The following PARPBP variants were observed in gnomAD, a reference collection of about 807,000 sequenced individuals.
The protein encoded by PARPBP is PCNA-interacting partner.
Under a neutral mutation model 50.0 loss-of-function variants are expected in PARPBP, and 52 were observed. The ratio of observed to expected loss-of-function variants is 1.04; its 90% CI spans 0.83 to 1.31. PARPBP has a LOEUF of 1.31. PARPBP is among the 50% of genes most tolerant of loss of function. PARPBP has a pLI of 0.00. For synonymous variants in PARPBP, 244 were observed against 232.1 expected, an observed-to-expected ratio of 1.05 and a Z score of -0.47; for missense variants, 697 against 672.0, an observed-to-expected ratio of 1.04 and a Z score of -0.41.
chr12:102,133,049 C>T (rs922461018), intron 2 of PARPBP, among the ~76,000 whole-genome samples: 2 of 151,892 alleles, frequency 1.3e-5, no homozygotes, highest in Admixed American at 6.6e-5. Flanking sequence ...TTTTTGGTGG[C>T]GTCTTTATGG....
chr12:102,147,127 A>G (rs886856908), intron 2 of PARPBP, among the ~76,000 whole-genome samples: 1 of 152,216 alleles, frequency 6.6e-6, no homozygotes, highest in Non-Finnish European at 1.5e-5. Flanking sequence ...GTGGGACTGT[A>G]AACTAGTTCA....
chr12:102,173,761 C>A (rs1174001960), intron 6 of PARPBP, among the ~76,000 whole-genome samples: 1 of 151,594 alleles, frequency 6.6e-6, no homozygotes, highest in Non-Finnish European at 1.5e-5. Flanking sequence ...CACAGTGTTA[C>A]TAGAGATGTT....
intron 3 of PARPBP, among the ~76,000 whole-genome samples, chr12:102,153,476 G>T (rs1004308352): frequency 6.6e-6 from 1 of 152,176 alleles, no homozygotes; most frequent in Non-Finnish European, 1.5e-5. Flanking sequence ...GAGCAGCTGG[G>T]ACTACAGGCA....
intron 4 of PARPBP, 127 bp downstream of exon 4, chr12:102,154,103 C>G (rs1473055176): frequency 1.7e-6 from 1 of 581,308 alleles, no homozygotes; most frequent in Non-Finnish European, 3.1e-6. Flanking sequence ...ATGTTTAAAA[C>G]TGTATTCGCA....
chr12:102,170,815 A>G (rs1308187276), intron 6 of PARPBP, among the ~76,000 whole-genome samples: 2 of 151,674 alleles, frequency 1.3e-5, no homozygotes, highest in Non-Finnish European at 2.9e-5. Context: ...TTGTAGTAAC[A>G]CTTAGCTTAA....
rs138403731 is a variant in PARPBP at position 102,137,547 on chromosome 12, C to T, written c.154-10683C>T. 1.7e-3 allele frequency among the ~76,000 whole-genome samples: 253 copies of T among 151,416 alleles called. 4 individuals carry two copies. The East Asian group carries it at 0.043, about 26-fold the overall frequency. On this transcript the variant is annotated intron_variant, in intron 2 of 10. Transcript: ENST00000327680. ...TTTTTTTAATTCTAGGGTATATGTG[C>T]ACAACGTGCAGGTTTGTTACATATG...
At chr12:102,123,153 G>C (rs934090636) in intron 1 of PARPBP, among the ~76,000 whole-genome samples, 2 of 152,140 alleles carry the variant, frequency 1.3e-5, no homozygotes, top group Admixed American at 6.5e-5. Context: ...TAAATGCAAA[G>C]GCATCCACTG....
chr12:102,124,969 A>C (rs990053174), intron 2 of PARPBP, among the ~76,000 whole-genome samples: 3 of 152,362 alleles, frequency 2.0e-5, no homozygotes, highest in Admixed American at 6.5e-5. Flanking sequence ...AAAAGGAAGA[A>C]TATTTTAACA....
chr12:102,161,542 T>C (rs1887592645), intron 4 of PARPBP, among the ~76,000 whole-genome samples: 1 of 152,228 alleles, frequency 6.6e-6, no homozygotes, highest in African/African-American at 2.4e-5. Flanking sequence ...GATTACCTAC[T>C]ATAATGCGAG....
chr12:102,154,300 T>A (rs1886597702), intron 4 of PARPBP, among the ~76,000 whole-genome samples: 1 of 152,198 alleles, frequency 6.6e-6, no homozygotes, highest in Non-Finnish European at 1.5e-5. Context: ...AGATGGTTCA[T>A]CCTTGGGAGA....
At chr12:102,150,042 T>A (rs1885978095) in intron 3 of PARPBP, among the ~76,000 whole-genome samples, 1 of 152,198 alleles carries the variant, frequency 6.6e-6, no homozygotes, top group Admixed American at 6.5e-5. Flanking sequence ...CTTGTCTAAG[T>A]CCTCTAATAA....
At chr12:102,187,145 A>G (rs1290799580) in intron 9 of PARPBP, among the ~76,000 whole-genome samples, 1 of 152,196 alleles carries the variant, frequency 6.6e-6, no homozygotes, top group East Asian at 1.9e-4. Flanking sequence ...ATCAGCATCA[A>G]CTAAGAAAGA....
intron 9 of PARPBP, among the ~76,000 whole-genome samples, chr12:102,183,929 G>A (rs1469313639): frequency 6.6e-6 from 1 of 151,108 alleles, no homozygotes; most frequent in East Asian, 2.0e-4. Context: ...ACAGAAATTA[G>A]CCGGGCACCT....
rs535314219 is a variant in PARPBP, at chr12:102,131,009, C to T, written c.153+6968C>T. Among the ~76,000 whole-genome samples, 17 of 152,278 alleles carry T rather than the reference C, an allele frequency of 1.1e-4. No individual in the cohort carries two copies. The South Asian group carries it at 3.3e-3, about 30-fold the overall frequency. On this transcript the variant is annotated intron_variant, in intron 2 of 10. Coordinates refer to ENST00000327680, the MANE Select transcript of PARPBP (RefSeq NM_017915.5). ...AGTCAAAACCACAATAAGATATCAT[C>T]TCACACCAGCAGAATGGCTATAATT... is the stretch of plus-strand genomic sequence containing the variant.
Position 102,148,326 on chromosome 12 carries a change from G to A in PARPBP, c.250G>A (p.Val84Met), listed in dbSNP as rs748632563. 1.3e-5 allele frequency: 21 copies of A among 1,599,630 alleles called. No homozygotes were observed. The highest frequency in any genetic ancestry group is 4.0e-5 in the African/African-American group (3 of 74,560). Residue 84 changes from valine to methionine, a missense_variant, in exon 3 of 11, where the codon GTG (valine) becomes ATG (methionine). Coordinates refer to ENST00000327680, the MANE Select transcript of PARPBP (RefSeq NM_017915.5). ...KLNLPVENMD[V>M]TDHYEDVRKI... ...GAACTTACCAGTTGAAAACATGGAC[G>A]TGACTGACCATTATGAGGACGTTAG...
chr12:102,178,384 T>A (rs1565897007), intron 7 of PARPBP, among the ~76,000 whole-genome samples: 1 of 152,228 alleles, frequency 6.6e-6, no homozygotes, highest in African/African-American at 2.4e-5. Flanking sequence ...TTTGATGATA[T>A]TATTTTTGTG....
chr12:102,136,160 G>A (rs1315577897), intron 2 of PARPBP, among the ~76,000 whole-genome samples: 1 of 152,194 alleles, frequency 6.6e-6, no homozygotes, highest in Non-Finnish European at 1.5e-5. Flanking sequence ...AGTAACTTAA[G>A]CTAGATACCC....
Position 102,182,566 on chromosome 12 carries a change from A to AT in PARPBP, c.1203dup (p.Asn402Ter). On this transcript the variant is annotated frameshift_variant, in exon 9 of 11. Transcript: ENST00000327680. LOFTEE classifies it high-confidence loss of function. ...TGACATAGGTCTCCCACACAGGTGA[A>AT]TAATTCGATAAAACCCCTAAGAGAA... 1 of 1,612,052 alleles carries AT rather than the reference A, an allele frequency of 6.2e-7. No individual in the cohort carries two copies. Among genetic ancestry groups the AT allele is most frequent in the East Asian group, 2.2e-5 (1 of 44,782 alleles).
chr12:102,135,962 C>A (rs184323573), intron 2 of PARPBP, among the ~76,000 whole-genome samples: 1 of 152,132 alleles, frequency 6.6e-6, no homozygotes, highest in East Asian at 1.9e-4. Context: ...TGTGAGATAC[C>A]ATTCTACTGA....
Sources: gnomAD v4.1 joint callset for allele counts (sites outside exome capture counted in the v4.1 genomes callset) on GRCh38, gnomAD v4.1.1 for gene constraint, MANE v1.5 for transcripts, NCBI Gene and HGNC (gene_info 2026-07-23, HGNC 2026-07-21) for gene names.